DIP2C: variants seen among roughly 807,000 people sequenced by gnomAD.
DIP2C encodes DIP2 acetate--CoA ligase C (putative).
Under a neutral mutation model 192.4 loss-of-function variants are expected in DIP2C, and 33 were observed. The observed-to-expected ratio is 0.17, with a 90% CI of 0.13 to 0.23. The LOEUF (loss-of-function observed/expected upper bound fraction) is 0.23, where lower values mean the gene tolerates loss of function less well. DIP2C is among the 10% of genes least tolerant of loss of function. The pLI, the probability that DIP2C is intolerant of heterozygous loss-of-function variation, is 1.00. For missense variants in DIP2C, 1,537 were observed against 2,110.1 expected (o/e 0.73, Z 5.32); for synonymous variants, 979 against 864.1 (o/e 1.13, Z -2.33).
chr10:545,791 T>A (rs1017102037), intron 1 of DIP2C, among the ~76,000 whole-genome samples: 1 of 152,178 alleles, frequency 6.6e-6, no homozygotes, highest in South Asian at 2.1e-4. Flanking sequence ...CTTTTCCATG[T>A]GGATATCCAG....
chr10:670,234 A>G (rs535160392), intron 1 of DIP2C, among the ~76,000 whole-genome samples: 1 of 152,330 alleles, frequency 6.6e-6, no homozygotes, highest in South Asian at 2.1e-4. Flanking sequence ...GCATGCATGC[A>G]CACGCATATG....
chr10:612,641 T>A (rs945434662), intron 1 of DIP2C, among the ~76,000 whole-genome samples: 1 of 152,084 alleles, frequency 6.6e-6, no homozygotes, highest in Admixed American at 6.6e-5. Flanking sequence ...GGATCCCAGG[T>A]TCCAAAGGGC....
intron 22 of DIP2C, among the ~76,000 whole-genome samples, chr10:358,713 T>G (rs1318238773): frequency 1.5e-3 from 1 of 662 alleles, no homozygotes; most frequent in South Asian, 0.056. Context: ...GGATGGGAGG[T>G]GGGGGACGGG....
Position 662,689 on chromosome 10 carries a change from T to C in DIP2C, c.85+26805A>G, listed in dbSNP as rs866841041. On this transcript the variant is annotated intron_variant, in intron 1 of 36. Transcript: ENST00000280886. ...TCATCTTTTTAAAATTGTTATCAAA[T>C]TAGGTATGGGCAGAAAATATATACA... 14 of 548,282 alleles carry C rather than the reference T, an allele frequency of 2.6e-5. No individual in the cohort carries two copies. In the African/African-American group the frequency reaches 2.7e-4, roughly 10 times the overall value. The allele number at this position is 548,282 out of a possible 1,614,324, so 34.0% of individuals were successfully genotyped here. A position where few individuals can be genotyped will look rare whatever the true frequency, so the allele number is the denominator to read the frequency against.
intron 1 of DIP2C, among the ~76,000 whole-genome samples, chr10:557,614 G>A (rs1848947247): frequency 7.7e-6 from 1 of 129,644 alleles, no homozygotes. Flanking sequence ...ACAACAATCT[G>A]TAAAATGCAA....
chr10:453,886 AAC>A (rs1020777717), intron 3 of DIP2C, among the ~76,000 whole-genome samples: 9 of 152,204 alleles, frequency 5.9e-5, no homozygotes, highest in African/African-American at 1.9e-4. Context: ...GCTGCCATGC[AAC>A]ACAGAGGCCA....
chr10:579,025 A>G lies in DIP2C; in HGVS notation c.86-92495T>C, dbSNP rs541960451. Among the ~76,000 whole-genome samples, 6 of 152,236 alleles carry G rather than the reference A, an allele frequency of 3.9e-5. No individual in the cohort carries two copies. The South Asian group carries it at 1.2e-3, about 32-fold the overall frequency. On this transcript the variant is annotated intron_variant, in intron 1 of 36. Transcript: ENST00000280886. ...ATAACGTGTATGTGGTAGAGCGTAC[A>G]TACATCCAGACCCAGTGTACAAACA...
Position 414,743 on chromosome 10 carries a change from A to AGTGTGTGTG in DIP2C, c.860-634_860-633insCACACACAC, listed in dbSNP as rs1564680031. 2.1e-3 allele frequency among the ~76,000 whole-genome samples: 136 copies of AGTGTGTGTG among 64,448 alleles called. 2 individuals are homozygous for AGTGTGTGTG. The highest frequency in any genetic ancestry group is 7.5e-3 in the Middle Eastern group (1 of 134). 42.3% of individuals were successfully genotyped at this position (64,448 alleles called of 152,430 possible). A position where few individuals can be genotyped will look rare whatever the true frequency, so the allele number is the denominator to read the frequency against. Reference sequence around the variant, plus strand: ...TGTGTGTGTGTGTGTGTGTGTGTACATATATATATATATAATGTGTATATA... The same window carrying AGTGTGTGTG: ...TGTGTGTGTGTGTGTGTGTGTGTACAGTGTGTGTGTATATATATATATAATGTGTATATA... On this transcript the variant is annotated intron_variant, in intron 7 of 36. Transcript: ENST00000280886.
intron 1 of DIP2C, among the ~76,000 whole-genome samples, chr10:545,508 GCA>G (rs1230847248): frequency 6.6e-6 from 1 of 152,146 alleles, no homozygotes; most frequent in Admixed American, 6.5e-5. Context: ...CCTCAGTGCT[GCA>G]CACACATAAG....
At chr10:616,421 ATT>A (rs955400686) in intron 1 of DIP2C, among the ~76,000 whole-genome samples, 1 of 152,234 alleles carries the variant, frequency 6.6e-6, no homozygotes, top group African/African-American at 2.4e-5. Context: ...TTCATAAAAG[ATT>A]TTCTTATTTT....
At position 689,394 on chromosome 10, in the gene DIP2C, G is replaced by GCCCGGC. The variant is rs1372908083; in HGVS notation, c.85+94_85+99dup. 5.8e-6 allele frequency: 4 copies of GCCCGGC among 688,826 alleles called. No homozygotes were observed. The East Asian group carries it at 5.1e-4, about 88-fold the overall frequency. The allele number at this position is 688,826 out of a possible 1,614,324, so 42.7% of individuals were successfully genotyped here. A position where few individuals can be genotyped will look rare whatever the true frequency, so the allele number is the denominator to read the frequency against. ...GCTGGGGTCGCACCTCCCCCTCCGG[G>GCCCGGC]CCCGGCCCCCGCCCCGCCGCAGGCC... On this transcript the variant is annotated intron_variant, in intron 1 of 36. Coordinates refer to ENST00000280886, the MANE Select transcript of DIP2C (RefSeq NM_014974.3). This position sits in a 1 kb window ranked among gnomAD's most constrained non-coding sequence, Gnocchi z 6.1.
At chr10:415,163 G>A (rs1051885959) in intron 7 of DIP2C, among the ~76,000 whole-genome samples, 31 of 152,018 alleles carry the variant, frequency 2.0e-4, no homozygotes, top group Non-Finnish European at 2.1e-4. Flanking sequence ...CTTGAGAGAG[G>A]TGAAGAATGG....
At chr10:470,175 C>T (rs184718172) in intron 3 of DIP2C, among the ~76,000 whole-genome samples, 56 of 152,102 alleles carry the variant, frequency 3.7e-4, no homozygotes, top group East Asian at 1.9e-4. Context: ...AGGTAAATAA[C>T]GAATACACAG....
At chr10:548,911 C>CAAAAAAAA (rs61437915) in intron 1 of DIP2C, among the ~76,000 whole-genome samples, 614 of 26,256 alleles carry the variant, frequency 0.023, 37 homozygotes, top group African/African-American at 0.035. Flanking sequence ...TAGCAGCTCA[C>CAAAAAAAA]AAAAAAAAAA....
At chr10:555,358 T>C (rs1848796351) in intron 1 of DIP2C, among the ~76,000 whole-genome samples, 1 of 152,126 alleles carries the variant, frequency 6.6e-6, no homozygotes, top group Non-Finnish European at 1.5e-5. Flanking sequence ...AAGGACAACA[T>C]CGTGCGTCGG....
intron 8 of DIP2C, among the ~76,000 whole-genome samples, chr10:412,157 G>A (rs181789179): frequency 6.6e-6 from 1 of 152,366 alleles, no homozygotes; most frequent in African/African-American, 2.4e-5. Flanking sequence ...GCAGCAGAGA[G>A]TGGCGATCCT....
intron 30 of DIP2C, among the ~76,000 whole-genome samples, chr10:327,902 G>C (rs1031510817): frequency 6.6e-6 from 1 of 152,164 alleles, no homozygotes. Flanking sequence ...AAGTCATACA[G>C]GAATTCAAGG....
chr10:384,634 G>C lies in DIP2C; in HGVS notation c.1668C>G (p.Val556=). 6.2e-7 allele frequency: 1 copy of C among 1,613,888 alleles called. No homozygotes were observed. Residue 556 remains valine (V), a synonymous_variant, in exon 15 of 37, where the codon GTC becomes GTG. Transcript: ENST00000280886. ...TGCTGATCACATGCATCATGTTCAT[G>C]ACGCTCTGCAATCAACAAAGGAACA... ...VGLWHGILTS[V]MNMMHVISIP...
At chr10:485,025 G>A (rs1395485081) in intron 2 of DIP2C, 1 of 1,481,376 alleles carries the variant, frequency 6.8e-7, no homozygotes, top group African/African-American at 1.4e-5. Flanking sequence ...GAGCAGAGCT[G>A]CCGACCCCAT....
Sources: gnomAD v4.1 joint callset for allele counts (sites outside exome capture counted in the v4.1 genomes callset) on GRCh38, gnomAD v4.1.1 for gene constraint, Gnocchi (gnomAD v3.1) non-coding constraint, MANE v1.5 for transcripts, NCBI Gene and HGNC (gene_info 2026-07-23, HGNC 2026-07-21) for gene names.